P4HA1: variants seen among roughly 807,000 people sequenced by gnomAD.
The protein encoded by P4HA1 is prolyl 4-hydroxylase subunit alpha 1, also known as prolyl 4-hydroxylase subunit alpha-1.
P4HA1 carries 24 observed loss-of-function variants against 72.8 expected under a neutral mutation model. The observed-to-expected ratio is 0.33, with a 90% CI of 0.24 to 0.46. The LOEUF (loss-of-function observed/expected upper bound fraction) is 0.46, where lower values mean the gene tolerates loss of function less well. Among genes scored for constraint, P4HA1 ranks in the 20% least tolerant of loss-of-function variants. The pLI is 1.00. For missense variants in P4HA1, 446 were observed against 640.6 expected, an observed-to-expected ratio of 0.70 and a Z score of 3.28; for synonymous variants, 201 against 218.8, an observed-to-expected ratio of 0.92 and a Z score of 0.72.
At chr10:73,063,425 C>T (rs1025786356) in intron 5 of P4HA1, among the ~76,000 whole-genome samples, 1 of 152,230 alleles carries the variant, frequency 6.6e-6, no homozygotes, top group African/African-American at 2.4e-5. Flanking sequence ...TACCATCACA[C>T]TGGCCATGAA....
intron 9 of P4HA1, 36 bp from the exon 10 acceptor site, chr10:73,030,406 G>T: frequency 8.9e-7 from 1 of 1,126,388 alleles, no homozygotes; most frequent in African/African-American, 1.5e-5. Flanking sequence ...TATTGATAAT[G>T]TTTCATTACA....
chr10:73,022,503 A>C (rs1283922879), intron 10 of P4HA1, among the ~76,000 whole-genome samples: 2 of 152,186 alleles, frequency 1.3e-5, no homozygotes, highest in Non-Finnish European at 2.9e-5. Context: ...ACCAACATCG[A>C]AGGCCAAAGG....
At chr10:73,069,575 G>A (rs1434891743) in intron 4 of P4HA1, among the ~76,000 whole-genome samples, 1 of 151,998 alleles carries the variant, frequency 6.6e-6, no homozygotes, top group Non-Finnish European at 1.5e-5. Flanking sequence ...CAAACATGAC[G>A]TTGATCAACC....
rs144022060 is a variant in P4HA1 at position 73,026,605 on chromosome 10, T to C, written c.1248+3666A>G. Among the ~76,000 whole-genome samples, 949 of 152,034 alleles carry C rather than the reference T, an allele frequency of 6.2e-3. 3 individuals are homozygous for C. The highest frequency in any genetic ancestry group is 0.014 in the Middle Eastern group (4 of 290). On this transcript the variant is annotated intron_variant, in intron 10 of 14. Transcript: ENST00000394890. ...GGCTACAAAAGCCAAAATATACAAG[T>C]GGGATCTAATTAAACTAAAGAGCTT... is the stretch of plus-strand genomic sequence containing the variant.
chr10:73,016,260 T>C (rs1033861396), intron 11 of P4HA1, among the ~76,000 whole-genome samples: 1 of 152,170 alleles, frequency 6.6e-6, no homozygotes, highest in Admixed American at 6.5e-5. Context: ...GCCAGAATCT[T>C]CCCTTACCTC....
chr10:73,037,215 T>C (rs1455806111), intron 9 of P4HA1, among the ~76,000 whole-genome samples: 2 of 151,760 alleles, frequency 1.3e-5, no homozygotes, highest in East Asian at 3.9e-4. Context: ...GTATGTTCCT[T>C]TTGGCCTTAA....
Position 73,051,085 on chromosome 10 carries a change from C to T in P4HA1, c.868G>A (p.Glu290Lys), listed in dbSNP as rs765547791. ...VDYLPERQKYEMLCRGEGIKM... is the reference protein window; with the variant it reads ...VDYLPERQKYKMLCRGEGIKM... ...ATACCCTCCCCACGGCACAGCATTT[C>T]GTACTTCTGTCTCTCTGGCAGGTAA... Residue 290 changes from glutamate to lysine, a missense_variant, in exon 7 of 15, where the codon GAA becomes AAA. By Grantham distance (56) the Glu-to-Lys change is moderately conservative. Transcript: ENST00000394890. 16 of 1,613,942 alleles carry T rather than the reference C, an allele frequency of 9.9e-6. No individual in the cohort carries two copies. The highest frequency in any genetic ancestry group is 3.3e-5 in the South Asian group (3 of 91,088).
rs1167437294 is a variant in P4HA1 at position 73,093,873 on chromosome 10, AATATAT to A, written c.-33+2887_-33+2892del. On this transcript the variant is annotated intron_variant, in intron 1 of 14. Coordinates refer to ENST00000394890, the MANE Select transcript of P4HA1 (RefSeq NM_001017962.3). ...AAAAAAAAAAAAAAAAAAAAAAAAA[AATATAT>A]ATATATATATATATATATATATATA... is the stretch of plus-strand genomic sequence containing the variant. 5.8e-3 allele frequency among the ~76,000 whole-genome samples: 171 copies of A among 29,302 alleles called. 2 individuals are homozygous for A. Among genetic ancestry groups the A allele is most frequent in the African/African-American group, 0.013 (146 of 10,974 alleles). 19.2% of individuals were successfully genotyped at this position (29,302 alleles called of 152,430 possible). A position where few individuals can be genotyped will look rare whatever the true frequency, so the allele number is the denominator to read the frequency against.
intron 4 of P4HA1, among the ~76,000 whole-genome samples, chr10:73,069,441 T>C (rs1841498794): frequency 6.6e-6 from 1 of 152,190 alleles, no homozygotes; most frequent in Non-Finnish European, 1.5e-5. Flanking sequence ...TTACACATTA[T>C]ATAAATATGT....
chr10:73,068,979 A>G lies in P4HA1; in HGVS notation c.330T>C (p.Phe110=). ...NLVLKDMSDG[F]ISNLTIQRQY... is the part of the protein sequence containing the mutation. Reference sequence around the variant, plus strand: ...GTCTCTGAATGGTTAGGTTAGAGATAAAGCCTTGAAATAGATAAATCAAAG... The same window carrying G: ...GTCTCTGAATGGTTAGGTTAGAGATGAAGCCTTGAAATAGATAAATCAAAG... The change falls in exon 5 of 15, where the codon TTT becomes TTC. Residue 110 remains phenylalanine, a synonymous_variant. Coordinates refer to ENST00000394890, the MANE Select transcript of P4HA1 (RefSeq NM_001017962.3). 3 of 1,609,774 alleles carry G rather than the reference A, an allele frequency of 1.9e-6. No individual in the cohort carries two copies. The highest frequency in any genetic ancestry group is 2.5e-6 in the Non-Finnish European group (3 of 1,177,152).
chr10:73,017,954 G>A (rs1247063806), intron 10 of P4HA1, among the ~76,000 whole-genome samples: 1 of 151,996 alleles, frequency 6.6e-6, no homozygotes, highest in Non-Finnish European at 1.5e-5. Context: ...GAGAATACTG[G>A]TGGAACTGGA....
chr10:73,088,123 G>A (rs1841959844), intron 1 of P4HA1, among the ~76,000 whole-genome samples: 1 of 151,892 alleles, frequency 6.6e-6, no homozygotes, highest in South Asian at 2.1e-4. Flanking sequence ...AAACTCCTGG[G>A]CTCAAGCAAT....
At chr10:73,036,959 G>C (rs1840589351) in intron 9 of P4HA1, among the ~76,000 whole-genome samples, 1 of 151,884 alleles carries the variant, frequency 6.6e-6, no homozygotes, top group African/African-American at 2.4e-5. Flanking sequence ...AAGAAATCCA[G>C]AGGTTTTGCT....
chr10:73,028,305 AAAACACACACAC>A (rs1226716668), intron 10 of P4HA1, among the ~76,000 whole-genome samples: 2 of 130,954 alleles, frequency 1.5e-5, no homozygotes, highest in African/African-American at 6.9e-5. Context: ...GTGTCACTGT[AAAACACACACAC>A]ACACACACAC....
Position 73,016,839 on chromosome 10 carries a change from C to A in P4HA1, c.1302+7G>T. On this transcript the variant is annotated splice_region_variant and intron_variant, in intron 11 of 14. Transcript: ENST00000394890. The stretch of plus-strand genomic sequence containing the variant: ...TCAGTGAATTTCTCCATTTCTTTTT[C>A]ACTTACCCGTGCAAAGTCAAAATGG... 1 of 1,600,744 alleles carries A rather than the reference C, an allele frequency of 6.2e-7. No individual in the cohort carries two copies. The highest frequency in any genetic ancestry group is 8.6e-7 in the Non-Finnish European group (1 of 1,168,458).
At chr10:73,020,919 G>A (rs113262374) in intron 10 of P4HA1, among the ~76,000 whole-genome samples, 7,677 of 152,240 alleles carry the variant, frequency 0.05, 659 homozygotes, top group African/African-American at 0.17. Flanking sequence ...TGGATCACCT[G>A]AGGTCAGGAG....
intron 1 of P4HA1, among the ~76,000 whole-genome samples, chr10:73,089,018 TA>T: frequency 6.6e-6 from 1 of 152,228 alleles, no homozygotes; most frequent in Non-Finnish European, 1.5e-5. Flanking sequence ...CATTAATTTC[TA>T]TAAGAAATCC....
chr10:73,079,486 A>C (rs2133147702), intron 1 of P4HA1, among the ~76,000 whole-genome samples: 1 of 152,302 alleles, frequency 6.6e-6, no homozygotes, highest in East Asian at 1.9e-4. Flanking sequence ...TCACGCCTGT[A>C]ATCCCAGCAC....
At chr10:73,027,246 C>T (rs922409283) in intron 10 of P4HA1, among the ~76,000 whole-genome samples, 3 of 152,100 alleles carry the variant, frequency 2.0e-5, no homozygotes, top group Non-Finnish European at 4.4e-5. Context: ...GGCACATGTA[C>T]ACCATGGAAT....
Sources: gnomAD v4.1 joint callset for allele counts (sites outside exome capture counted in the v4.1 genomes callset) on GRCh38, gnomAD v4.1.1 for gene constraint, MANE v1.5 for transcripts, NCBI Gene and HGNC (gene_info 2026-07-23, HGNC 2026-07-21) for gene names.